Variants in ATRNL1 observed in about 807,000 individuals in gnomAD.
The protein encoded by ATRNL1 is attractin-like protein 1.
ATRNL1 carries 95 observed loss-of-function variants against 182.7 expected under a neutral mutation model. The observed-to-expected ratio is 0.52, with a 90% CI of 0.44 to 0.62. ATRNL1 has a LOEUF of 0.62. ATRNL1 is among the 20% of genes least tolerant of loss of function. The probability of loss-of-function intolerance (pLI) is 0.00; values close to 1 mark genes in which losing one functional copy is unlikely to be tolerated. For synonymous variants in ATRNL1, 576 were observed against 568.3 expected (o/e 1.01, Z -0.19); for missense variants, 1,471 against 1,679.5 (o/e 0.88, Z 2.17).
intron 2 of ATRNL1, 75 bp from the exon 3 acceptor site, chr10:115,121,624 T>C (rs1229288005): frequency 4.0e-6 from 2 of 505,874 alleles, no homozygotes; most frequent in African/African-American, 4.0e-5. Context: ...GTATATTATA[T>C]AATAAATATT....
intron 26 of ATRNL1, among the ~76,000 whole-genome samples, chr10:115,635,310 A>G (rs2133841462): frequency 6.6e-6 from 1 of 151,446 alleles, no homozygotes; most frequent in East Asian, 2.0e-4. Flanking sequence ...ACAGAGTGGG[A>G]AAAGTGGTAA....
At position 115,268,366 on chromosome 10, in the gene ATRNL1, C is replaced by T; in HGVS notation, c.2022C>T (p.Ala674=). The T allele has an allele frequency of 6.2e-7, 1 of 1,613,598 alleles. No individual in the cohort carries two copies. Among genetic ancestry groups the T allele is most frequent in the Non-Finnish European group, 8.5e-7 (1 of 1,179,712 alleles). The change falls in exon 13 of 29, where the codon GCC becomes GCT. Residue 674 remains alanine (A), a synonymous_variant. Transcript: ENST00000355044. ...DDRCYRYADC[A]SCTANTNGCQ... ...GATGTTACAGATATGCAGATTGTGC[C>T]AGCTGTACTGCCAATACAAATGGGT...
chr10:115,624,839 C>T (rs1025251880), intron 26 of ATRNL1, among the ~76,000 whole-genome samples: 2 of 152,112 alleles, frequency 1.3e-5, no homozygotes, highest in East Asian at 1.9e-4. Flanking sequence ...AACTTCTACT[C>T]GTCTTTACAG....
At position 115,356,449 on chromosome 10, in the gene ATRNL1, T is replaced by C. The variant is rs141688863; in HGVS notation, c.3175+22030T>C. 2.4e-3 allele frequency among the ~76,000 whole-genome samples: 372 copies of C among 152,174 alleles called. 1 individual carries two copies. The highest frequency in any genetic ancestry group is 0.01 in the Middle Eastern group (3 of 294). On this transcript the variant is annotated intron_variant, in intron 19 of 28. Transcript: ENST00000355044. ...ATATTCCAAAGAGAGGCCATCCTTT[T>C]GAGCTGTTTTCATTCTTTTTGTTTT... is the stretch of plus-strand genomic sequence containing the variant.
At chr10:115,536,312 A>G (rs1292876147) in intron 25 of ATRNL1, among the ~76,000 whole-genome samples, 1 of 152,118 alleles carries the variant, frequency 6.6e-6, no homozygotes, top group South Asian at 2.1e-4. Context: ...AGCCTGGGCA[A>G]TGGCGGGCGC....
At chr10:115,917,721 T>G (rs1207450007) in intron 28 of ATRNL1, among the ~76,000 whole-genome samples, 4 of 152,134 alleles carry the variant, frequency 2.6e-5, no homozygotes, top group African/African-American at 9.7e-5. Flanking sequence ...ATTGAAGATA[T>G]TCATGCTAAC....
intron 27 of ATRNL1, among the ~76,000 whole-genome samples, chr10:115,738,405 G>T (rs966858162): frequency 9.9e-5 from 15 of 151,872 alleles, no homozygotes; most frequent in Non-Finnish European, 1.3e-4. Context: ...CTCCCAAAGT[G>T]CTGGGATTAC....
At chr10:115,296,545 C>G (rs1554922657) in intron 15 of ATRNL1, among the ~76,000 whole-genome samples, 5 of 152,176 alleles carry the variant, frequency 3.3e-5, no homozygotes. Context: ...AATCTAATTT[C>G]TATCCCCAGT....
At chr10:115,564,930 A>C (rs1008397112) in intron 26 of ATRNL1, among the ~76,000 whole-genome samples, 4 of 152,060 alleles carry the variant, frequency 2.6e-5, no homozygotes, top group Non-Finnish European at 5.9e-5. Flanking sequence ...CAACATAAAA[A>C]ATAATATTTC....
chr10:115,694,522 T>C (rs1946492992), intron 26 of ATRNL1, among the ~76,000 whole-genome samples: 2 of 152,098 alleles, frequency 1.3e-5, no homozygotes, highest in African/African-American at 4.8e-5. Flanking sequence ...AAGCATGACT[T>C]TTGAATTTAT....
At chr10:115,793,897 T>A (rs186257394) in intron 27 of ATRNL1, among the ~76,000 whole-genome samples, 499 of 152,262 alleles carry the variant, frequency 3.3e-3, no homozygotes, top group Middle Eastern at 0.01. Flanking sequence ...ATACTAAAAA[T>A]CAATGAACTA....
chr10:115,145,774 A>G (rs1215126964), intron 5 of ATRNL1, among the ~76,000 whole-genome samples: 1 of 152,138 alleles, frequency 6.6e-6, no homozygotes, highest in Non-Finnish European at 1.5e-5. Context: ...TGCTCTTAAA[A>G]TCTTTATTCC....
At chr10:115,781,953 T>C (rs1205760925) in intron 27 of ATRNL1, among the ~76,000 whole-genome samples, 3 of 152,196 alleles carry the variant, frequency 2.0e-5, no homozygotes, top group African/African-American at 7.2e-5. Context: ...TCTGTTGCCT[T>C]TTTGCCCTGA....
chr10:115,221,047 C>T (rs1554897357), intron 9 of ATRNL1, among the ~76,000 whole-genome samples: 1 of 152,178 alleles, frequency 6.6e-6, no homozygotes, highest in African/African-American at 2.4e-5. Flanking sequence ...GCATTAGATT[C>T]TCATAGGGAC....
chr10:115,857,358 C>T (rs1003750224), intron 28 of ATRNL1, among the ~76,000 whole-genome samples: 3 of 152,154 alleles, frequency 2.0e-5, no homozygotes, highest in Non-Finnish European at 2.9e-5. Context: ...TGTGTTATCA[C>T]TTTTCTTTTA....
At chr10:115,482,326 CTAA>C (rs1482949519) in intron 24 of ATRNL1, among the ~76,000 whole-genome samples, 4 of 150,862 alleles carry the variant, frequency 2.7e-5, no homozygotes, top group African/African-American at 9.7e-5. Context: ...AGAATTTTTA[CTAA>C]TGTCTTTATT....
chr10:115,787,855 G>T (rs1208974657), intron 27 of ATRNL1, among the ~76,000 whole-genome samples: 3 of 152,178 alleles, frequency 2.0e-5, no homozygotes, highest in Non-Finnish European at 2.9e-5. Flanking sequence ...GCAATCACCA[G>T]TGTCCTTATG....
chr10:115,578,273 A>T (rs1433940798), intron 26 of ATRNL1, among the ~76,000 whole-genome samples: 3 of 151,796 alleles, frequency 2.0e-5, no homozygotes, highest in African/African-American at 7.2e-5. Flanking sequence ...TCATAAGATG[A>T]GTTTGGAAGT....
chr10:115,362,225 A>C (rs1356708665), intron 19 of ATRNL1, among the ~76,000 whole-genome samples: 2 of 152,142 alleles, frequency 1.3e-5, no homozygotes, highest in African/African-American at 4.8e-5. Flanking sequence ...TATATAAAAA[A>C]GAAACAGCTA....
Sources: allele counts gnomAD v4.1 joint callset (sites outside exome capture counted in the v4.1 genomes callset), GRCh38; gene constraint gnomAD v4.1.1; transcripts MANE v1.5; gene names NCBI Gene and HGNC (gene_info 2026-07-23, HGNC 2026-07-21).